The following NUBPL variants were observed in gnomAD, a reference collection of about 807,000 sequenced individuals.
NUBPL encodes NUBP iron-sulfur cluster assembly factor, mitochondrial, also known as iron-sulfur cluster transfer protein NUBPL.
NUBPL carries 31 observed loss-of-function variants against 45.7 expected under a neutral mutation model. That is an observed-to-expected ratio of 0.68 (90% CI 0.51 to 0.92). The LOEUF is 0.92. Among genes scored for constraint, NUBPL ranks in the 40% least tolerant of loss-of-function variants. The probability of loss-of-function intolerance (pLI) is 0.00; values close to 1 mark genes in which losing one functional copy is unlikely to be tolerated. For missense variants in NUBPL, 401 were observed against 398.7 expected (o/e 1.01, Z -0.05); for synonymous variants, 144 against 140.9 (o/e 1.02, Z -0.15).
intron 6 of NUBPL, among the ~76,000 whole-genome samples, chr14:31,759,051 A>G (rs373505097): frequency 5.3e-5 from 8 of 151,994 alleles, no homozygotes; most frequent in Non-Finnish European, 1.0e-4. Flanking sequence ...TCCACCAGAA[A>G]CATCCCACTA....
chr14:31,612,738 A>G (rs2034794845), intron 4 of NUBPL, among the ~76,000 whole-genome samples: 1 of 152,152 alleles, frequency 6.6e-6, no homozygotes, highest in Non-Finnish European at 1.5e-5. Context: ...GCAAATCAAA[A>G]CTCCAGTGAG....
intron 4 of NUBPL, among the ~76,000 whole-genome samples, chr14:31,612,231 T>C (rs559464097): frequency 4.6e-5 from 7 of 152,228 alleles, no homozygotes; most frequent in Non-Finnish European, 7.3e-5. Flanking sequence ...AAAACTGCAA[T>C]TACTTTTGCA....
intron 3 of NUBPL, 119 bp from the exon 4 acceptor site, chr14:31,599,170 A>G (rs768714492): frequency 1.3e-6 from 1 of 785,844 alleles, no homozygotes; most frequent in Non-Finnish European, 2.1e-6. Context: ...ATATTTTGCC[A>G]ATTTTATTTT....
intron 6 of NUBPL, among the ~76,000 whole-genome samples, chr14:31,713,238 A>G (rs1429006691): frequency 6.6e-6 from 1 of 152,112 alleles, no homozygotes; most frequent in Non-Finnish European, 1.5e-5. Flanking sequence ...AGTGCCCTTG[A>G]ACTCCACTCT....
At chr14:31,569,492 T>C (rs2033524547) in intron 3 of NUBPL, among the ~76,000 whole-genome samples, 1 of 152,204 alleles carries the variant, frequency 6.6e-6, no homozygotes, top group Non-Finnish European at 1.5e-5. Context: ...CCACCATGCC[T>C]GGCCTGCATT....
chr14:31,793,090 C>G (rs570102965), intron 7 of NUBPL, among the ~76,000 whole-genome samples: 1 of 152,256 alleles, frequency 6.6e-6, no homozygotes, highest in African/African-American at 2.4e-5. Flanking sequence ...GTGTTCTTCT[C>G]CCTTTTCTTA....
chr14:31,721,968 A>G (rs1180156677), intron 6 of NUBPL, among the ~76,000 whole-genome samples: 1 of 152,076 alleles, frequency 6.6e-6, no homozygotes, highest in Non-Finnish European at 1.5e-5. Context: ...TTATGGATGC[A>G]TAGTATTCCA....
intron 7 of NUBPL, among the ~76,000 whole-genome samples, chr14:31,793,626 T>G (rs1360493420): frequency 6.6e-6 from 1 of 152,134 alleles, no homozygotes; most frequent in Non-Finnish European, 1.5e-5. Context: ...AATCAATGAA[T>G]GAGTGTTTTA....
intron 6 of NUBPL, among the ~76,000 whole-genome samples, chr14:31,729,696 TA>T (rs2038008487): frequency 6.6e-6 from 1 of 152,016 alleles, no homozygotes; most frequent in African/African-American, 2.4e-5. Context: ...TTTATTCTAA[TA>T]TTAAGTTGGT....
At chr14:31,585,688 T>C (rs558303911) in intron 3 of NUBPL, among the ~76,000 whole-genome samples, 6 of 152,360 alleles carry the variant, frequency 3.9e-5, no homozygotes, top group African/African-American at 1.4e-4. Context: ...TGATTTTCTC[T>C]ATATCCTCAC....
intron 6 of NUBPL, among the ~76,000 whole-genome samples, chr14:31,701,574 C>A (rs1042701900): frequency 1.3e-5 from 2 of 152,234 alleles, no homozygotes; most frequent in African/African-American, 2.4e-5. Flanking sequence ...AGCTGTAACA[C>A]TCACTGCGAA....
At chr14:31,588,060 A>G (rs954970379) in intron 3 of NUBPL, among the ~76,000 whole-genome samples, 5 of 152,180 alleles carry the variant, frequency 3.3e-5, no homozygotes, top group Non-Finnish European at 7.4e-5. Flanking sequence ...CTGCTAGGAA[A>G]TTAACTTAAT....
chr14:31,778,563 A>C (rs1184117901), intron 6 of NUBPL, among the ~76,000 whole-genome samples: 1 of 152,242 alleles, frequency 6.6e-6, no homozygotes, highest in South Asian at 2.1e-4. Context: ...TTTGCCCTGT[A>C]AAATGAGTTC....
intron 4 of NUBPL, among the ~76,000 whole-genome samples, chr14:31,602,657 A>G (rs1007101004): frequency 6.6e-6 from 1 of 152,158 alleles, no homozygotes; most frequent in Non-Finnish European, 1.5e-5. Flanking sequence ...TAAAATAGTT[A>G]CAACTACTGT....
chr14:31,841,917 C>CTTTTGTTTTTGTTTTTTTTTTTT lies in NUBPL; in HGVS notation c.694-4550_694-4549insGTTTTTGTTTTTTTTTTTTTTTT. 1.0e-3 allele frequency among the ~76,000 whole-genome samples: 44 copies of CTTTTGTTTTTGTTTTTTTTTTTT among 43,050 alleles called. 6 individuals carry two copies. The highest frequency in any genetic ancestry group is 2.4e-3 in the East Asian group (3 of 1,240). The allele number at this position is 43,050 out of a possible 152,430, so 28.2% of individuals were successfully genotyped here. ...CTTTCATGTATGGGTCGATTCTGGGCTTTTTTTTTTTTTTTTTTTTTTTTT... is the reference window on the plus strand; with the variant it reads ...CTTTCATGTATGGGTCGATTCTGGGCTTTTGTTTTTGTTTTTTTTTTTTTTTTTTTTTTTTTTTTTTTTTTTTT... On this transcript the variant is annotated intron_variant, in intron 8 of 10. Coordinates refer to ENST00000281081, the MANE Select transcript of NUBPL (RefSeq NM_025152.3).
chr14:31,757,534 G>C (rs1160176639), intron 6 of NUBPL, among the ~76,000 whole-genome samples: 2 of 152,098 alleles, frequency 1.3e-5, no homozygotes, highest in Non-Finnish European at 2.9e-5. Context: ...ATTTCTGTGG[G>C]ATCGGTCTCT....
At chr14:31,653,298 C>G (rs535355808) in intron 4 of NUBPL, among the ~76,000 whole-genome samples, 1 of 152,238 alleles carries the variant, frequency 6.6e-6, no homozygotes, top group South Asian at 2.1e-4. Context: ...GGTTTTTCCC[C>G]ACTCTAGTGA....
chr14:31,596,967 T>C (rs1040151629), intron 3 of NUBPL, among the ~76,000 whole-genome samples: 1 of 152,192 alleles, frequency 6.6e-6, no homozygotes, highest in African/African-American at 2.4e-5. Context: ...GGTATGTTTT[T>C]ATAGGTTCTG....
chr14:31,765,416 C>T (rs1040529349), intron 6 of NUBPL, among the ~76,000 whole-genome samples: 5 of 152,278 alleles, frequency 3.3e-5, no homozygotes, highest in African/African-American at 1.2e-4. Context: ...ATGGTACACT[C>T]ATTGAGAGAA....
Sources: allele counts gnomAD v4.1 joint callset (sites outside exome capture counted in the v4.1 genomes callset), GRCh38; gene constraint gnomAD v4.1.1; transcripts MANE v1.5; gene names NCBI Gene and HGNC (gene_info 2026-07-23, HGNC 2026-07-21).